KIAA1671: variants seen among roughly 807,000 people sequenced by gnomAD.
KIAA1671 encodes the protein uncharacterized protein KIAA1671.
In KIAA1671, 52 loss-of-function variants were observed where a neutral mutation model predicts 131.2. The ratio of observed to expected loss-of-function variants is 0.40; its 90% CI spans 0.32 to 0.50. The LOEUF is 0.50. KIAA1671 is among the 20% of genes least tolerant of loss of function. The pLI, the probability that KIAA1671 is intolerant of heterozygous loss-of-function variation, is 0.73. For missense variants in KIAA1671, 2,360 were observed against 2,364.2 expected, an observed-to-expected ratio of 1.00 and a Z score of 0.04; for synonymous variants, 1,003 against 961.6, an observed-to-expected ratio of 1.04 and a Z score of -0.80.
chr22:25,030,247 A>T (rs2145790258), intron 3 of KIAA1671, among the ~76,000 whole-genome samples: 1 of 152,314 alleles, frequency 6.6e-6, no homozygotes, highest in South Asian at 2.1e-4. Context: ...GTTAATAATG[A>T]TGTTCTAGGC....
intron 10 of KIAA1671, among the ~76,000 whole-genome samples, chr22:25,183,451 T>TCCCA (rs1407569259): frequency 1.9e-5 from 1 of 52,888 alleles, no homozygotes; most frequent in Non-Finnish European, 3.6e-5. Flanking sequence ...CCTCCCTCCC[T>TCCCA]CCCTCCCTCC....
intron 1 of KIAA1671, among the ~76,000 whole-genome samples, chr22:24,993,182 T>C (rs1214077213): frequency 6.6e-6 from 1 of 152,016 alleles, no homozygotes; most frequent in African/African-American, 2.4e-5. Flanking sequence ...AGTGGGAGAC[T>C]CAGTGAGGCT....
Position 25,040,573 on chromosome 22 carries a change from A to G in KIAA1671, c.3443A>G (p.Glu1148Gly), listed in dbSNP as rs1926861041. The change falls in exon 5 of 13, where the codon GAA becomes GGA. Residue 1148 changes from glutamate (E) to glycine (G), a missense_variant. Transcript: ENST00000358431. ...CCTCGTCCTCAAAGCAATTGGAAGG[A>G]AAGTGCGAACAAGATGTCCCCCAGC... is the stretch of plus-strand genomic sequence containing the variant. ...DGPRPQSNWK[E>G]SANKMSPSGG... The G allele has an allele frequency of 6.4e-7, 1 of 1,551,682 alleles. No homozygotes were observed. The highest frequency in any genetic ancestry group is 1.2e-5 in the South Asian group (1 of 84,048).
intron 9 of KIAA1671, chr22:25,179,514 C>G (rs1934188561): frequency 1.9e-6 from 3 of 1,608,712 alleles, no homozygotes; most frequent in Middle Eastern, 1.7e-4. Flanking sequence ...CGCTCGTGCT[C>G]GCGCGGCTCC....
chr22:25,129,702 G>C (rs1932348435), intron 6 of KIAA1671, among the ~76,000 whole-genome samples: 1 of 149,412 alleles, frequency 6.7e-6, no homozygotes, highest in South Asian at 2.1e-4. Flanking sequence ...CTGTTCCCCA[G>C]GCTGGAGTGC....
At position 25,086,563 on chromosome 22, in the gene KIAA1671, C is replaced by T. The variant is rs16979555; in HGVS notation, c.4530+37199C>T. 3.9e-4 allele frequency among the ~76,000 whole-genome samples: 60 copies of T among 152,310 alleles called. 1 individual carries two copies. In the East Asian group the frequency reaches 0.011, roughly 29 times the overall value. ...CAAATGCTTCCTGCACTGCCCTGAC[C>T]TTTGTAGGAGCATCCATCTGTGAAT... On this transcript the variant is annotated intron_variant, in intron 6 of 12. Coordinates refer to ENST00000358431, the MANE Select transcript of KIAA1671 (RefSeq NM_001145206.2).
intron 6 of KIAA1671, among the ~76,000 whole-genome samples, chr22:25,086,231 C>G (rs1211789373): frequency 6.6e-6 from 1 of 152,238 alleles, no homozygotes; most frequent in Non-Finnish European, 1.5e-5. Flanking sequence ...TTGTTCATCT[C>G]TGTCTCTCCA....
intron 6 of KIAA1671, among the ~76,000 whole-genome samples, chr22:25,150,653 G>A (rs147928520): frequency 1.3e-5 from 2 of 152,078 alleles, no homozygotes; most frequent in East Asian, 1.9e-4. Context: ...AATAGAACTC[G>A]GGCGTAGCTG....
At chr22:25,048,483 G>A (rs988462100) in intron 5 of KIAA1671, among the ~76,000 whole-genome samples, 1 of 152,152 alleles carries the variant, frequency 6.6e-6, no homozygotes, top group Non-Finnish European at 1.5e-5. Flanking sequence ...TGTGAGGGAA[G>A]GGATTAGAAA....
chr22:25,013,975 T>C (rs1238667966), intron 1 of KIAA1671: 2 of 152,192 alleles, frequency 1.3e-5, no homozygotes, highest in Non-Finnish European at 2.9e-5. Context: ...TGAGTCACCA[T>C]GGGAGGTGTT....
intron 6 of KIAA1671, among the ~76,000 whole-genome samples, chr22:25,116,426 T>TGTGC (rs1931668018): frequency 1.6e-5 from 2 of 126,570 alleles, no homozygotes; most frequent in African/African-American, 8.9e-5. Context: ...TATGTATGTA[T>TGTGC]GTATGTACGT....
At chr22:25,074,924 G>GT (rs66512582) in intron 6 of KIAA1671, among the ~76,000 whole-genome samples, 18,852 of 152,084 alleles carry the variant, frequency 0.12, 1,212 homozygotes, top group South Asian at 0.19. Flanking sequence ...TCTATTCTCA[G>GT]TTTTTTGAGG....
In KIAA1671 at chr22:25,083,702, C is replaced by A. The variant is rs139114140; in HGVS notation, c.4530+34338C>A. On this transcript the variant is annotated intron_variant, in intron 6 of 12. Transcript: ENST00000358431. ...AATTTGACCTTAATCCTAGGGATAC[C>A]TTTTCCACATTCTATTGAATTTACC... 2.1e-3 allele frequency among the ~76,000 whole-genome samples: 321 copies of A among 152,334 alleles called. 1 individual carries two copies. The highest frequency in any genetic ancestry group is 3.6e-3 in the Non-Finnish European group (246 of 68,038).
chr22:25,019,050 TTGTGTGTGTG>T lies in KIAA1671; in HGVS notation c.-207-6549_-207-6540del, dbSNP rs377368958. 9.0e-3 allele frequency among the ~76,000 whole-genome samples: 1,296 copies of T among 144,218 alleles called. 19 individuals are homozygous for T. Among genetic ancestry groups the T allele is most frequent in the African/African-American group, 0.031 (1,179 of 38,318 alleles). 94.6% of individuals were successfully genotyped at this position (144,218 alleles called of 152,430 possible). ...CTTCACATCCTCTCCAATAGTTGTTTTGTGTGTGTGTGTGTGTGTGTGTGTGTGTGTGTGT... is the reference window on the plus strand; with the variant it reads ...CTTCACATCCTCTCCAATAGTTGTTTTGTGTGTGTGTGTGTGTGTGTGTGT... On this transcript the variant is annotated intron_variant, in intron 1 of 12. Coordinates refer to ENST00000358431, the MANE Select transcript of KIAA1671 (RefSeq NM_001145206.2).
chr22:25,041,297 C>G lies in KIAA1671; in HGVS notation c.4167C>G (p.Ala1389=). 6.4e-7 allele frequency: 1 copy of G among 1,551,674 alleles called. No homozygotes were observed. The highest frequency in any genetic ancestry group is 8.7e-7 in the Non-Finnish European group (1 of 1,146,992). The change falls in exon 5 of 13, where the codon GCC becomes GCG. Residue 1389 remains alanine, a synonymous_variant. Coordinates refer to ENST00000358431, the MANE Select transcript of KIAA1671 (RefSeq NM_001145206.2). The part of the protein sequence containing the change: ...STGRGEEDSV[A]QWGDHPRDCG... The stretch of plus-strand genomic sequence containing the variant: ...GGCGGGGAGAGGAGGACAGTGTGGC[C>G]CAGTGGGGTGACCACCCACGTGACT...
intron 9 of KIAA1671, chr22:25,179,268 A>C (rs539751920): frequency 6.4e-7 from 1 of 1,550,972 alleles, no homozygotes; most frequent in South Asian, 1.2e-5. Context: ...CAAAACCCGA[A>C]CGTGTTCTCT....
Position 25,163,959 on chromosome 22 carries a change from A to G in KIAA1671, c.4531-6861A>G, listed in dbSNP as rs1933551012. Among the ~76,000 whole-genome samples the G allele has an allele frequency of 3.3e-5, 5 of 152,162 alleles. No homozygotes were observed. In the South Asian group the frequency reaches 1.0e-3, roughly 32 times the overall value. On this transcript the variant is annotated intron_variant, in intron 6 of 12. Transcript: ENST00000358431. ...CTATGCAGATTTTAAATTTGGGGACATATATTATGGGTTGTTTTAATATAG... is the reference window on the plus strand; with the variant it reads ...CTATGCAGATTTTAAATTTGGGGACGTATATTATGGGTTGTTTTAATATAG...
At chr22:25,106,668 G>T (rs1466830914) in intron 6 of KIAA1671, among the ~76,000 whole-genome samples, 1 of 152,106 alleles carries the variant, frequency 6.6e-6, no homozygotes, top group East Asian at 1.9e-4. Flanking sequence ...GCACAAAATT[G>T]GGGGACATCA....
At position 25,034,770 on chromosome 22, in the gene KIAA1671, C is replaced by T. The variant is rs375963195; in HGVS notation, c.1629+2074C>T. On this transcript the variant is annotated intron_variant, in intron 4 of 12. Transcript: ENST00000358431. ...TTTTCATTTTTGAGATGGAGTCTCG[C>T]TCTGTTGCCCAGGCTGGAGTGCAAT... Among the ~76,000 whole-genome samples, 411 of 152,046 alleles carry T rather than the reference C, an allele frequency of 2.7e-3. 3 individuals are homozygous for T. The highest frequency in any genetic ancestry group is 8.6e-3 in the African/African-American group (358 of 41,480).
Sources: allele counts gnomAD v4.1 joint callset (sites outside exome capture counted in the v4.1 genomes callset), GRCh38; gene constraint gnomAD v4.1.1; transcripts MANE v1.5; gene names NCBI Gene and HGNC (gene_info 2026-07-23, HGNC 2026-07-21).